CYP7B1: variants seen among roughly 807,000 people sequenced by gnomAD.
CYP7B1 encodes cytochrome P450 family 7 subfamily B member 1, also known as cytochrome P450 7B1.
CYP7B1 carries 29 observed loss-of-function variants against 42.7 expected under a neutral mutation model. The observed-to-expected ratio is 0.68, with a 90% confidence interval of 0.51 to 0.93. The LOEUF is 0.93. Among genes scored for constraint, CYP7B1 ranks in the 40% least tolerant of loss-of-function variants. The pLI is 0.00. For missense variants in CYP7B1, 655 were observed against 600.5 expected (o/e 1.09, Z -0.95); for synonymous variants, 235 against 218.2 (o/e 1.08, Z -0.68).
intron 1 of CYP7B1, among the ~76,000 whole-genome samples, chr8:64,769,776 G>A (rs148088529): frequency 3.3e-5 from 5 of 151,806 alleles, no homozygotes; most frequent in East Asian, 1.9e-4. Context: ...CCCTGTCTCC[G>A]TGCCTTAACC....
rs570418044 is a variant in CYP7B1, at chr8:64,621,034, T to C, written c.259+3369A>G. 7.9e-5 allele frequency among the ~76,000 whole-genome samples: 12 copies of C among 152,376 alleles called. No homozygotes were observed. The South Asian group carries it at 2.5e-3, about 32-fold the overall frequency. On this transcript the variant is annotated intron_variant, in intron 2 of 5. Transcript: ENST00000310193. ...GAACATTTCAATCACTTGTTCTATC[T>C]ATTCATTAGAAACACCAGTGTTAAT...
intron 1 of CYP7B1, chr8:64,734,286 C>T (rs1244076319): frequency 6.6e-6 from 1 of 152,156 alleles, no homozygotes; most frequent in Non-Finnish European, 1.5e-5. Context: ...ACTAGTGCTG[C>T]TCTAACAAAA....
At chr8:64,657,007 C>G (rs563414773) in intron 1 of CYP7B1, among the ~76,000 whole-genome samples, 4 of 152,050 alleles carry the variant, frequency 2.6e-5, no homozygotes, top group East Asian at 3.9e-4. Context: ...GCCTTAGTTT[C>G]TTTGTGCTCA....
At chr8:64,697,894 T>C (rs1447669997) in intron 1 of CYP7B1, among the ~76,000 whole-genome samples, 1 of 152,144 alleles carries the variant, frequency 6.6e-6, no homozygotes, top group African/African-American at 2.4e-5. Flanking sequence ...GCTCTTCAGT[T>C]TTCATTTTTT....
At chr8:64,653,563 C>T (rs1196770140) in intron 1 of CYP7B1, among the ~76,000 whole-genome samples, 19 of 152,078 alleles carry the variant, frequency 1.2e-4, no homozygotes, top group Admixed American at 1.2e-3. Context: ...CCAAATTCTA[C>T]CAGATGTACA....
At chr8:64,793,963 C>CAA (rs56265041) in intron 1 of CYP7B1, among the ~76,000 whole-genome samples, 1,536 of 143,348 alleles carry the variant, frequency 0.011, 14 homozygotes, top group Middle Eastern at 0.025. Flanking sequence ...AAATACGAAA[C>CAA]AAAAAAAAAA....
At chr8:64,656,928 A>G (rs1288799783) in intron 1 of CYP7B1, among the ~76,000 whole-genome samples, 1 of 152,176 alleles carries the variant, frequency 6.6e-6, no homozygotes, top group Non-Finnish European at 1.5e-5. Flanking sequence ...AAACAGTGAT[A>G]ACACAGACTG....
chr8:64,776,352 A>T (rs1439538319), intron 1 of CYP7B1, among the ~76,000 whole-genome samples: 1 of 152,136 alleles, frequency 6.6e-6, no homozygotes, highest in Admixed American at 6.5e-5. Flanking sequence ...TTGCAAATGC[A>T]TCTATGCATA....
At chr8:64,646,386 G>A (rs1805954897) in intron 1 of CYP7B1, among the ~76,000 whole-genome samples, 1 of 152,172 alleles carries the variant, frequency 6.6e-6, no homozygotes. Flanking sequence ...AAAAGTGGGT[G>A]AAGGACATGA....
chr8:64,701,273 A>T (rs1806912444), intron 1 of CYP7B1, among the ~76,000 whole-genome samples: 1 of 151,964 alleles, frequency 6.6e-6, no homozygotes, highest in Admixed American at 6.6e-5. Flanking sequence ...CTTCCTCCAC[A>T]CTTCACCCAA....
At chr8:64,630,696 G>A (rs1805682665) in intron 1 of CYP7B1, among the ~76,000 whole-genome samples, 1 of 152,192 alleles carries the variant, frequency 6.6e-6, no homozygotes, top group Non-Finnish European at 1.5e-5. Flanking sequence ...AGTAACTTCA[G>A]ATGAGCAGGC....
chr8:64,591,954 G>A lies in CYP7B1; in HGVS notation c.*4688C>T, dbSNP rs897002862. On this transcript the variant is annotated 3_prime_UTR_variant, in exon 6 of 6. Coordinates refer to ENST00000310193, the MANE Select transcript of CYP7B1 (RefSeq NM_004820.5). ...TGCAACCCCAGCACTTAGGGAGTCC[G>A]AGGCGGGTGGATCACCTGAGGTCTG... 7.2e-5 allele frequency among the ~76,000 whole-genome samples: 11 copies of A among 152,150 alleles called. No individual in the cohort carries two copies. Among genetic ancestry groups the A allele is most frequent in the Admixed American group, 5.2e-4 (8 of 15,272 alleles).
At chr8:64,679,734 T>C (rs1047678819) in intron 1 of CYP7B1, among the ~76,000 whole-genome samples, 1 of 152,178 alleles carries the variant, frequency 6.6e-6, no homozygotes, top group African/African-American at 2.4e-5. Context: ...GAAATATGAT[T>C]GACATATAAA....
At chr8:64,636,260 C>G (rs1048421958) in intron 1 of CYP7B1, among the ~76,000 whole-genome samples, 1 of 152,162 alleles carries the variant, frequency 6.6e-6, no homozygotes, top group Non-Finnish European at 1.5e-5. Context: ...CTGTGTGGCT[C>G]AGCTCCCAGG....
At chr8:64,693,321 G>A (rs10957321) in intron 1 of CYP7B1, among the ~76,000 whole-genome samples, 68,475 of 152,024 alleles carry the variant, frequency 0.45, 16,447 homozygotes, top group Middle Eastern at 0.52. Flanking sequence ...GTGTGTGTGC[G>A]GGTATGTATA....
At chr8:64,600,932 C>CT (rs1221778454) in intron 5 of CYP7B1, among the ~76,000 whole-genome samples, 3 of 152,038 alleles carry the variant, frequency 2.0e-5, no homozygotes, top group African/African-American at 7.2e-5. Context: ...GGGAAGGGAC[C>CT]TTTTTATTTC....
intron 1 of CYP7B1, chr8:64,728,256 T>C (rs1807351921): frequency 6.6e-6 from 1 of 152,226 alleles, no homozygotes; most frequent in South Asian, 2.1e-4. Context: ...ACTAGACTGG[T>C]TCTTTTTCCA....
chr8:64,738,136 C>G (rs770328081), intron 1 of CYP7B1, among the ~76,000 whole-genome samples: 13 of 152,058 alleles, frequency 8.5e-5, no homozygotes, highest in Non-Finnish European at 1.6e-4. Flanking sequence ...ATCTGCATAC[C>G]TCTACTGAGA....
intron 1 of CYP7B1, among the ~76,000 whole-genome samples, chr8:64,780,460 GCTTT>G (rs1804403469): frequency 2.0e-5 from 3 of 151,704 alleles, no homozygotes; most frequent in Admixed American, 2.0e-4. Flanking sequence ...CTTTTGTTAG[GCTTT>G]CTATTATTTT....
Sources: gnomAD v4.1 joint callset for allele counts (sites outside exome capture counted in the v4.1 genomes callset) on GRCh38, gnomAD v4.1.1 for gene constraint, MANE v1.5 for transcripts, NCBI Gene and HGNC (gene_info 2026-07-23, HGNC 2026-07-21) for gene names.